Variants in CMC2 observed in about 807,000 individuals in gnomAD.
The protein encoded by CMC2 is C-X9-C motif containing 2.
CMC2 carries 5 observed loss-of-function variants against 7.5 expected under a neutral mutation model. The observed-to-expected ratio is 0.66, with a 90% CI of 0.35 to 1.40. The LOEUF (loss-of-function observed/expected upper bound fraction) is 1.40, where lower values mean the gene tolerates loss of function less well. Ranked by LOEUF, CMC2 falls within the 40% of genes most tolerant of loss-of-function variation. The pLI, the probability that CMC2 is intolerant of heterozygous loss-of-function variation, is 0.04. For missense variants in CMC2, 115 were observed against 92.3 expected (o/e 1.25, Z -1.01); for synonymous variants, 37 against 31.4 (o/e 1.18, Z -0.60).
intron 1 of CMC2, chr16:81,001,306 G>A (rs905806500): frequency 2.0e-5 from 3 of 152,156 alleles, no homozygotes; most frequent in Non-Finnish European, 4.4e-5. Context: ...ACCCATGTAA[G>A]AAACCTGCAC....
At chr16:80,981,053 T>C (rs75956767) in intron 3 of CMC2, among the ~76,000 whole-genome samples, 2,053 of 150,994 alleles carry the variant, frequency 0.014, 44 homozygotes, top group African/African-American at 0.047. Flanking sequence ...ACTTCAAATA[T>C]TATATTTAAA....
intron 3 of CMC2, among the ~76,000 whole-genome samples, chr16:80,981,604 T>C (rs953515292): frequency 3.3e-5 from 5 of 152,224 alleles, no homozygotes; most frequent in Non-Finnish European, 5.9e-5. Context: ...TCATTTGTGT[T>C]CATGGCCAAA....
intron 1 of CMC2, chr16:80,997,990 T>A (rs1434612089): frequency 6.6e-6 from 1 of 152,076 alleles, no homozygotes; most frequent in Non-Finnish European, 1.5e-5. Flanking sequence ...ATAAAACTAA[T>A]TATTACACTG....
At chr16:81,004,910 C>T (rs139942899) in intron 1 of CMC2, among the ~76,000 whole-genome samples, 1 of 152,346 alleles carries the variant, frequency 6.6e-6, no homozygotes, top group African/African-American at 2.4e-5. Context: ...TAACTCACTT[C>T]AGCAAATCTA....
At chr16:80,985,869 G>C (rs1048696455) in intron 2 of CMC2, among the ~76,000 whole-genome samples, 1 of 108,770 alleles carries the variant, frequency 9.2e-6, no homozygotes, top group Non-Finnish European at 1.8e-5. Flanking sequence ...TCAAGGCTTG[G>C]AAGACAGAAA....
At position 80,996,389 on chromosome 16, in the gene CMC2, T is replaced by C. The variant is rs549615772; in HGVS notation, c.81+925A>G. On this transcript the variant is annotated intron_variant, in intron 2 of 3. Transcript: ENST00000219400. ...CTTTAACACAAATAATTAGTTCTTG[T>C]TCTTTAAACAGTGAATATTTTATAT... 2.0e-5 allele frequency among the ~76,000 whole-genome samples: 3 copies of C among 152,358 alleles called. No individual in the cohort carries two copies. In the East Asian group the frequency reaches 5.8e-4, roughly 29 times the overall value.
At position 80,973,646 on chromosome 16, in the gene CMC2, CTG is replaced by C. The variant is rs750166292; in HGVS notation, c.*2445_*2446del. ...AGTTCCCTGAGGTGATGTCCAAGGC[CTG>C]TGTGTTCTGGCCCTGCCCACCTGTG... is the stretch of plus-strand genomic sequence containing the variant. On this transcript the variant is annotated 3_prime_UTR_variant, in exon 4 of 4. Coordinates refer to ENST00000219400, the MANE Select transcript of CMC2 (RefSeq NM_020188.5). 2.0e-5 allele frequency: 3 copies of C among 152,246 alleles called. No individual in the cohort carries two copies. The highest frequency in any genetic ancestry group is 4.4e-5 in the Non-Finnish European group (3 of 68,074). The allele number at this position is 152,246 out of a possible 1,614,324, so 9.4% of individuals were successfully genotyped here.
chr16:80,985,821 G>C (rs1463705697), intron 2 of CMC2, among the ~76,000 whole-genome samples: 2 of 146,978 alleles, frequency 1.4e-5, no homozygotes, highest in Middle Eastern at 3.8e-3. Context: ...ACAGTAAGTG[G>C]AGCCAGGAGG....
rs1911666219 is a variant in CMC2 at position 80,967,908 on chromosome 16, GCTTC to G, written c.*8181_*8184del. ...TTCAATGACAACATACCATATTAAC[GCTTC>G]CTATTTTTTTTTCAAATCACATTCT... is the stretch of plus-strand genomic sequence containing the variant. On this transcript the variant is annotated 3_prime_UTR_variant, in exon 4 of 4. Coordinates refer to ENST00000219400, the MANE Select transcript of CMC2 (RefSeq NM_020188.5). 6.6e-6 allele frequency: 1 copy of G among 152,020 alleles called. No homozygotes were observed. Among genetic ancestry groups the G allele is most frequent in the African/African-American group, 2.4e-5 (1 of 41,374 alleles). 9.4% of individuals were successfully genotyped at this position (152,020 alleles called of 1,614,324 possible). A position where few individuals can be genotyped will look rare whatever the true frequency, so the allele number is the denominator to read the frequency against.
Position 80,973,008 on chromosome 16 carries a change from G to A in CMC2, c.*3085C>T, listed in dbSNP as rs149114453. 1,738 of 152,406 alleles carry A rather than the reference G, an allele frequency of 0.011. 23 individuals are homozygous for A. The highest frequency in any genetic ancestry group is 0.024 in the Middle Eastern group (7 of 296). The allele number at this position is 152,406 out of a possible 1,614,324, so 9.4% of individuals were successfully genotyped here. A position where few individuals can be genotyped will look rare whatever the true frequency, so the allele number is the denominator to read the frequency against. On this transcript the variant is annotated 3_prime_UTR_variant, in exon 4 of 4. Coordinates refer to ENST00000219400, the MANE Select transcript of CMC2 (RefSeq NM_020188.5). ...CTTCTTCGGCTTCCACTGCATATGG[G>A]AATTCAAAATATTTGGAAATCCTCA...
In CMC2 at chr16:80,971,853, A is replaced by G. The variant is rs1911953499; in HGVS notation, c.*4240T>C. ...ACATTTTGTCATAAAAAAGAATAGC[A>G]TTAATACCACAAAAAAGGTCCTTTA... On this transcript the variant is annotated 3_prime_UTR_variant, in exon 4 of 4. Transcript: ENST00000219400. 1.3e-5 allele frequency: 2 copies of G among 152,162 alleles called. 1 individual carries two copies. Among genetic ancestry groups the G allele is most frequent in the South Asian group, 4.1e-4 (2 of 4,834 alleles). The allele number at this position is 152,162 out of a possible 1,614,324, so 9.4% of individuals were successfully genotyped here.
At chr16:81,004,422 G>C (rs1969091142) in intron 1 of CMC2, among the ~76,000 whole-genome samples, 1 of 152,170 alleles carries the variant, frequency 6.6e-6, no homozygotes, top group Non-Finnish European at 1.5e-5. Context: ...GGACTGCCTG[G>C]GGAGGAAGGC....
At chr16:80,990,036 T>C (rs1396895933) in intron 2 of CMC2, among the ~76,000 whole-genome samples, 1 of 152,226 alleles carries the variant, frequency 6.6e-6, no homozygotes. Context: ...AGTAAGTTTG[T>C]TTGGTTTTGC....
intron 2 of CMC2, among the ~76,000 whole-genome samples, chr16:80,993,298 A>G (rs1373388755): frequency 6.6e-6 from 1 of 152,228 alleles, no homozygotes; most frequent in Non-Finnish European, 1.5e-5. Flanking sequence ...ACATTCACCT[A>G]GCTTTCTACC....
intron 2 of CMC2, chr16:80,988,446 C>A (rs1001772003): frequency 6.1e-6 from 4 of 653,478 alleles, no homozygotes; most frequent in Non-Finnish European, 1.1e-5. Flanking sequence ...AAACATTTGT[C>A]AATTTCAAAC....
chr16:80,988,806 C>T (rs949207886), intron 2 of CMC2, among the ~76,000 whole-genome samples: 2 of 151,214 alleles, frequency 1.3e-5, no homozygotes, highest in African/African-American at 4.9e-5. Context: ...TCTTTTTAGT[C>T]TTTTTTTTTT....
rs145654855 is a variant in CMC2 at position 80,984,998 on chromosome 16, G to A, written c.82-3121C>T. On this transcript the variant is annotated intron_variant, in intron 2 of 3. Coordinates refer to ENST00000219400, the MANE Select transcript of CMC2 (RefSeq NM_020188.5). ...CAATTTCTTGAGAACCAAACCAACC[G>A]AGTAACTGATTGAATAAGTGAATCA... is the stretch of plus-strand genomic sequence containing the variant. Among the ~76,000 whole-genome samples, 651 of 152,238 alleles carry A rather than the reference G, an allele frequency of 4.3e-3. 6 individuals carry two copies. The highest frequency in any genetic ancestry group is 0.014 in the African/African-American group (599 of 41,550).
At chr16:80,988,467 G>C in intron 2 of CMC2, 1 of 663,296 alleles carries the variant, frequency 1.5e-6, no homozygotes, top group Non-Finnish European at 2.7e-6. Context: ...TTGAAGAAAA[G>C]TTCCAAGAAC....
intron 2 of CMC2, among the ~76,000 whole-genome samples, chr16:80,994,850 G>C (rs1395438605): frequency 6.6e-6 from 1 of 152,154 alleles, no homozygotes; most frequent in East Asian, 1.9e-4. Flanking sequence ...TTTACACAAA[G>C]ACTTGCACAT....
Sources: allele counts gnomAD v4.1 joint callset (sites outside exome capture counted in the v4.1 genomes callset), GRCh38; gene constraint gnomAD v4.1.1; transcripts MANE v1.5; gene names NCBI Gene and HGNC (gene_info 2026-07-23, HGNC 2026-07-21).